C1orf21: variants seen among roughly 807,000 people sequenced by gnomAD.
C1orf21 encodes chromosome 1 open reading frame 21.
A neutral mutation model predicts 18.7 loss-of-function variants in C1orf21; 3 were observed. The ratio of observed to expected loss-of-function variants is 0.16; its 90% CI spans 0.07 to 0.42. The LOEUF (loss-of-function observed/expected upper bound fraction) is 0.42. Among genes scored for constraint, C1orf21 ranks in the 10% least tolerant of loss-of-function variants. The pLI is 0.99. For missense variants in C1orf21, 104 were observed against 143.6 expected (o/e 0.72, Z 1.41); for synonymous variants, 41 against 46.4 (o/e 0.88, Z 0.47).
chr1:184,516,364 A>G (rs1056375593), intron 3 of C1orf21, among the ~76,000 whole-genome samples: 5 of 152,326 alleles, frequency 3.3e-5, no homozygotes, highest in Admixed American at 3.3e-4. Context: ...AGTTTTAGGC[A>G]TGACTACATC....
chr1:184,585,326 C>G (rs1473039657), intron 3 of C1orf21, among the ~76,000 whole-genome samples: 2 of 152,096 alleles, frequency 1.3e-5, no homozygotes, highest in African/African-American at 4.8e-5. Context: ...CTGCTGGTGC[C>G]TTAGCCTAAA....
intron 2 of C1orf21, among the ~76,000 whole-genome samples, chr1:184,491,482 T>C (rs559306661): frequency 3.3e-4 from 50 of 152,150 alleles, no homozygotes; most frequent in African/African-American, 1.0e-3. Context: ...CCTAAATAGC[T>C]GGGACTACAG....
At chr1:184,440,781 C>T (rs1325582628) in intron 1 of C1orf21, among the ~76,000 whole-genome samples, 15 of 152,128 alleles carry the variant, frequency 9.9e-5, no homozygotes, top group South Asian at 2.1e-4. Context: ...ACGTATTCAA[C>T]ACTTATGTTA....
intron 1 of C1orf21, among the ~76,000 whole-genome samples, chr1:184,453,391 T>G (rs538417229): frequency 6.6e-6 from 1 of 152,324 alleles, no homozygotes; most frequent in Non-Finnish European, 1.5e-5. Flanking sequence ...TTCTGTGCTT[T>G]TCATAAAATT....
At chr1:184,449,938 C>T (rs898201712) in intron 1 of C1orf21, among the ~76,000 whole-genome samples, 1 of 152,068 alleles carries the variant, frequency 6.6e-6, no homozygotes. Context: ...AAGGAAGGCT[C>T]GCATTGGATG....
chr1:184,590,632 G>C, intron 3 of C1orf21, 107 bp from the exon 4 acceptor site: 1 of 1,103,466 alleles, frequency 9.1e-7, no homozygotes, highest in South Asian at 1.4e-5. Context: ...ACCAGCCGTA[G>C]TATAGGGCCC....
chr1:184,538,410 T>C lies in C1orf21; in HGVS notation c.189+30728T>C, dbSNP rs138882589. Among the ~76,000 whole-genome samples, 6 of 152,336 alleles carry C rather than the reference T, an allele frequency of 3.9e-5. No individual in the cohort carries two copies. In the East Asian group the frequency reaches 9.6e-4, roughly 24 times the overall value. Reference sequence around the variant, plus strand: ...ATTTCAAATATTCTTTCTCATTCCGTAGGTTGCCTTTTTATTCTATCACTC... The same window carrying C: ...ATTTCAAATATTCTTTCTCATTCCGCAGGTTGCCTTTTTATTCTATCACTC... On this transcript the variant is annotated intron_variant, in intron 3 of 5. Coordinates refer to ENST00000235307, the MANE Select transcript of C1orf21 (RefSeq NM_030806.4).
chr1:184,545,119 G>T (rs1658709984), intron 3 of C1orf21, among the ~76,000 whole-genome samples: 1 of 152,134 alleles, frequency 6.6e-6, no homozygotes, highest in Non-Finnish European at 1.5e-5. Flanking sequence ...TTACACAAGG[G>T]TGTGAATCTT....
chr1:184,569,946 G>A (rs1659086665), intron 3 of C1orf21, among the ~76,000 whole-genome samples: 1 of 152,156 alleles, frequency 6.6e-6, no homozygotes. Flanking sequence ...TCTTCAAAAA[G>A]TAGCATGGAC....
chr1:184,598,029 C>A (rs138905833), intron 4 of C1orf21, among the ~76,000 whole-genome samples: 1 of 152,124 alleles, frequency 6.6e-6, no homozygotes, highest in East Asian at 1.9e-4. Flanking sequence ...GATACATTTT[C>A]TTTTTTATTT....
At chr1:184,497,357 G>C (rs138441729) in intron 2 of C1orf21, among the ~76,000 whole-genome samples, 2 of 152,332 alleles carry the variant, frequency 1.3e-5, no homozygotes, top group East Asian at 3.9e-4. Flanking sequence ...AAATAAGTTG[G>C]TGATTCGTAT....
intron 3 of C1orf21, among the ~76,000 whole-genome samples, chr1:184,560,798 C>T (rs955665436): frequency 2.0e-5 from 3 of 152,246 alleles, no homozygotes; most frequent in Admixed American, 1.3e-4. Context: ...CAAAGATGCC[C>T]CTATGAAATT....
intron 4 of C1orf21, 56 bp from the exon 5 acceptor site, chr1:184,598,345 G>T: frequency 6.5e-7 from 1 of 1,529,368 alleles, no homozygotes; most frequent in Non-Finnish European, 8.9e-7. Context: ...TTCCTTTGAG[G>T]GGACCAGGTT....
chr1:184,458,131 C>G (rs1202667163), intron 1 of C1orf21, among the ~76,000 whole-genome samples: 2 of 152,106 alleles, frequency 1.3e-5, no homozygotes, highest in Admixed American at 6.6e-5. Flanking sequence ...TTCGCCTGAC[C>G]CGTTCTGGCT....
intron 3 of C1orf21, among the ~76,000 whole-genome samples, chr1:184,551,316 T>C (rs1037380892): frequency 6.6e-6 from 1 of 152,154 alleles, no homozygotes; most frequent in Admixed American, 6.5e-5. Context: ...TATTTTTAAA[T>C]ATAAAAGCAG....
chr1:184,551,195 T>C (rs192017246), intron 3 of C1orf21, among the ~76,000 whole-genome samples: 23 of 152,226 alleles, frequency 1.5e-4, no homozygotes, highest in Admixed American at 1.1e-3. Context: ...TACACCAAAA[T>C]AAACTCCAGG....
chr1:184,535,474 C>G (rs980174038), intron 3 of C1orf21, among the ~76,000 whole-genome samples: 6 of 152,150 alleles, frequency 3.9e-5, no homozygotes, highest in African/African-American at 1.4e-4. Context: ...GAAACAATTC[C>G]AAGCTATTTT....
intron 3 of C1orf21, among the ~76,000 whole-genome samples, chr1:184,526,049 C>T (rs1658372500): frequency 6.6e-6 from 1 of 152,128 alleles, no homozygotes; most frequent in South Asian, 2.1e-4. Flanking sequence ...AAGCTATTCC[C>T]ATTATTTAGG....
intron 3 of C1orf21, among the ~76,000 whole-genome samples, chr1:184,561,347 A>C (rs1658961395): frequency 6.6e-6 from 1 of 152,164 alleles, no homozygotes; most frequent in Non-Finnish European, 1.5e-5. Context: ...AACCACCTTG[A>C]GCAGGGATAT....
Sources: gnomAD v4.1 joint callset for allele counts (sites outside exome capture counted in the v4.1 genomes callset) on GRCh38, gnomAD v4.1.1 for gene constraint, MANE v1.5 for transcripts, NCBI Gene and HGNC (gene_info 2026-07-23, HGNC 2026-07-21) for gene names.